ARHGAP15: variants seen among roughly 807,000 people sequenced by gnomAD.
The protein encoded by ARHGAP15 is Rho GTPase activating protein 15, also known as rho GTPase-activating protein 15.
Under a neutral mutation model 63.7 loss-of-function variants are expected in ARHGAP15, and 51 were observed. The ratio of observed to expected loss-of-function variants is 0.80; its 90% CI spans 0.64 to 1.01. ARHGAP15 has a LOEUF of 1.01. Ranked by LOEUF, ARHGAP15 falls within the 50% of genes least tolerant of loss-of-function variation. The pLI is 0.00. For missense variants in ARHGAP15, 560 were observed against 564.6 expected (o/e 0.99, Z 0.08); for synonymous variants, 191 against 193.8 (o/e 0.99, Z 0.12).
At chr2:143,180,278 G>A (rs923959664) in intron 2 of ARHGAP15, among the ~76,000 whole-genome samples, 33 of 152,122 alleles carry the variant, frequency 2.2e-4, no homozygotes, top group African/African-American at 7.5e-4. Flanking sequence ...CGACATTCAC[G>A]GCCTCTTCAC....
intron 8 of ARHGAP15, among the ~76,000 whole-genome samples, chr2:143,458,503 G>C (rs968421833): frequency 5.3e-5 from 8 of 152,266 alleles, no homozygotes; most frequent in African/African-American, 1.7e-4. Flanking sequence ...CATTTAAAGG[G>C]AAGGAGATTC....
chr2:143,548,674 G>A lies in ARHGAP15; in HGVS notation c.926-7734G>A, dbSNP rs188350520. Among the ~76,000 whole-genome samples, 50 of 151,668 alleles carry A rather than the reference G, an allele frequency of 3.3e-4. 1 individual carries two copies. The highest frequency in any genetic ancestry group is 3.9e-4 in the Admixed American group (6 of 15,234). ...TGGGAAATTAAATACATTTTTTTCA[G>A]AAATGAATAATCAAAAATGAGCCAA... On this transcript the variant is annotated intron_variant, in intron 10 of 13. Coordinates refer to ENST00000295095, the MANE Select transcript of ARHGAP15 (RefSeq NM_018460.4).
chr2:143,675,256 A>G (rs1250562825), intron 12 of ARHGAP15, among the ~76,000 whole-genome samples: 1 of 152,182 alleles, frequency 6.6e-6, no homozygotes, highest in African/African-American at 2.4e-5. Context: ...TTCTCTTGCT[A>G]GTTCCACCAC....
intron 11 of ARHGAP15, among the ~76,000 whole-genome samples, chr2:143,603,607 A>C (rs1697862840): frequency 6.6e-6 from 1 of 152,176 alleles, no homozygotes; most frequent in South Asian, 2.1e-4. Flanking sequence ...CTAAGATTTG[A>C]AAGGCTGTAA....
At chr2:143,671,216 G>T (rs1202081214) in intron 12 of ARHGAP15, among the ~76,000 whole-genome samples, 2 of 152,154 alleles carry the variant, frequency 1.3e-5, no homozygotes, top group African/African-American at 4.8e-5. Flanking sequence ...TTATTATTTT[G>T]ATTTGGTGGT....
At chr2:143,334,875 G>T (rs528764470) in intron 6 of ARHGAP15, among the ~76,000 whole-genome samples, 1 of 152,206 alleles carries the variant, frequency 6.6e-6, no homozygotes, top group Admixed American at 6.5e-5. Flanking sequence ...TGGATCATCT[G>T]AGGTCGGGAG....
In ARHGAP15 at chr2:143,247,822, T is replaced by G. The variant is rs570867282; in HGVS notation, c.385-2689T>G. On this transcript the variant is annotated intron_variant, in intron 5 of 13. Coordinates refer to ENST00000295095, the MANE Select transcript of ARHGAP15 (RefSeq NM_018460.4). ...AGTCCTTTGAACTGTTTCTCACTTT[T>G]CCAAATCACAAAGACTGCTTAACCA... Among the ~76,000 whole-genome samples, 76 of 152,296 alleles carry G rather than the reference T, an allele frequency of 5.0e-4. 1 individual carries two copies. The highest frequency in any genetic ancestry group is 1.8e-3 in the African/African-American group (74 of 41,560).
intron 6 of ARHGAP15, among the ~76,000 whole-genome samples, chr2:143,327,960 A>C (rs922761466): frequency 1.3e-5 from 2 of 152,352 alleles, no homozygotes; most frequent in South Asian, 4.1e-4. Flanking sequence ...ACACTTCTCA[A>C]AAGAAGACAT....
At chr2:143,338,384 TTTGTA>T (rs1214874300) in intron 6 of ARHGAP15, among the ~76,000 whole-genome samples, 1 of 152,234 alleles carries the variant, frequency 6.6e-6, no homozygotes, top group Non-Finnish European at 1.5e-5. Context: ...TCAATGGTTC[TTTGTA>T]TTGTAAGGAA....
chr2:143,508,038 CT>C (rs201305949), intron 9 of ARHGAP15, among the ~76,000 whole-genome samples: 3,903 of 149,358 alleles, frequency 0.026, 91 homozygotes, highest in African/African-American at 0.069. Context: ...TCACCCCCCC[CT>C]CCTCCATAAT....
At chr2:143,166,227 C>T (rs1690527176) in intron 2 of ARHGAP15, among the ~76,000 whole-genome samples, 1 of 151,956 alleles carries the variant, frequency 6.6e-6, no homozygotes, top group Admixed American at 6.6e-5. Context: ...CCCTAGTGTC[C>T]TCTAATAGTT....
chr2:143,467,871 C>T (rs1215860542), intron 8 of ARHGAP15, among the ~76,000 whole-genome samples: 2 of 152,210 alleles, frequency 1.3e-5, no homozygotes, highest in East Asian at 3.9e-4. Context: ...ATTATTTGTA[C>T]TATATAATCA....
intron 6 of ARHGAP15, among the ~76,000 whole-genome samples, chr2:143,262,535 A>AT (rs67267617): frequency 0.016 from 1,432 of 90,916 alleles, 25 homozygotes; most frequent in African/African-American, 0.032. Context: ...TGAACCTTTG[A>AT]TTTTTTTTTT....
chr2:143,242,857 C>T (rs1024050066), intron 5 of ARHGAP15, among the ~76,000 whole-genome samples: 5 of 152,112 alleles, frequency 3.3e-5, no homozygotes, highest in Non-Finnish European at 5.9e-5. Flanking sequence ...CCTCCATGAA[C>T]GATTTTCCAG....
At chr2:143,253,304 G>T (rs765253321) in intron 6 of ARHGAP15, among the ~76,000 whole-genome samples, 11 of 151,860 alleles carry the variant, frequency 7.2e-5, no homozygotes, top group Non-Finnish European at 1.2e-4. Flanking sequence ...ACAAAAAATT[G>T]TATGTGCCTG....
rs546913294 is a variant in ARHGAP15 at position 143,139,585 on chromosome 2, T to C, written c.-15+10119T>C. Among the ~76,000 whole-genome samples the C allele has an allele frequency of 3.2e-4, 49 of 152,258 alleles. 1 individual carries two copies. The highest frequency in any genetic ancestry group is 1.2e-3 in the African/African-American group (49 of 41,572). ...TATATTCTATTTAGAATTTTAAAAGTCGTTTTGCATATGTTATTTTACTTG... is the reference window on the plus strand; with the variant it reads ...TATATTCTATTTAGAATTTTAAAAGCCGTTTTGCATATGTTATTTTACTTG... On this transcript the variant is annotated intron_variant, in intron 1 of 13. Transcript: ENST00000295095.
chr2:143,144,351 A>G (rs1689492287), intron 1 of ARHGAP15, among the ~76,000 whole-genome samples: 1 of 152,122 alleles, frequency 6.6e-6, no homozygotes, highest in Non-Finnish European at 1.5e-5. Context: ...ACAATGGTTA[A>G]ACTAATTTGT....
chr2:143,279,817 G>T (rs1474018285), intron 6 of ARHGAP15, among the ~76,000 whole-genome samples: 1 of 152,170 alleles, frequency 6.6e-6, no homozygotes, highest in Non-Finnish European at 1.5e-5. Flanking sequence ...ATCCCTGTGT[G>T]TTTTGGTAAC....
At chr2:143,476,986 G>C (rs1691847656) in intron 8 of ARHGAP15, among the ~76,000 whole-genome samples, 1 of 152,164 alleles carries the variant, frequency 6.6e-6, no homozygotes, top group Non-Finnish European at 1.5e-5. Context: ...TAGTGGTTTA[G>C]TCTGACAAGC....
Sources: gnomAD v4.1 joint callset for allele counts (sites outside exome capture counted in the v4.1 genomes callset) on GRCh38, gnomAD v4.1.1 for gene constraint, MANE v1.5 for transcripts, NCBI Gene and HGNC (gene_info 2026-07-23, HGNC 2026-07-21) for gene names.